The following MLLT10 variants were observed in gnomAD, a reference collection of about 807,000 sequenced individuals.
The protein encoded by MLLT10 is protein AF-10.
Under a neutral mutation model 129.1 loss-of-function variants are expected in MLLT10, and 30 were observed. That is an observed-to-expected ratio of 0.23 (90% CI 0.17 to 0.32). MLLT10 has a LOEUF of 0.32. Ranked by LOEUF, MLLT10 falls within the 10% of genes least tolerant of loss-of-function variation. MLLT10 has a pLI of 1.00. For missense variants in MLLT10, 1,119 were observed against 1,268.3 expected (o/e 0.88, Z 1.79); for synonymous variants, 490 against 446.4 (o/e 1.10, Z -1.23).
At chr10:21,737,095 G>A (rs2058431752) in intron 21 of MLLT10, among the ~76,000 whole-genome samples, 1 of 111,334 alleles carries the variant, frequency 9.0e-6, no homozygotes. Flanking sequence ...GGGCGTGCTG[G>A]TGCATGCCTG....
rs145231992 is a variant in MLLT10, at chr10:21,548,942, A to G, written c.240+10030A>G. On this transcript the variant is annotated intron_variant, in intron 3 of 22. Transcript: ENST00000307729. ...ACTCTGGTGATAGATGTCTTTATAT[A>G]TTGTGTAATTTTTGACTGCAGGCTA... Among the ~76,000 whole-genome samples the G allele has an allele frequency of 2.1e-3, 316 of 152,086 alleles. 1 individual carries two copies. Among genetic ancestry groups the G allele is most frequent in the African/African-American group, 7.3e-3 (301 of 41,502 alleles).
chr10:21,717,815 T>TTCTTCTCCTCCA (rs773767603), intron 14 of MLLT10, among the ~76,000 whole-genome samples: 1 of 143,074 alleles, frequency 7.0e-6, no homozygotes, highest in African/African-American at 2.6e-5. Flanking sequence ...CTTCTTCTCC[T>TTCTTCTCCTCCA]TCTTCTCCTC....
intron 13 of MLLT10, among the ~76,000 whole-genome samples, chr10:21,695,873 C>T (rs1454217615): frequency 6.6e-6 from 1 of 151,916 alleles, no homozygotes; most frequent in African/African-American, 2.4e-5. Flanking sequence ...TACCTCCTAT[C>T]CAGAGCATAG....
At chr10:21,722,494 T>A (rs1165504608) in intron 14 of MLLT10, among the ~76,000 whole-genome samples, 3 of 152,214 alleles carry the variant, frequency 2.0e-5, no homozygotes, top group South Asian at 2.1e-4. Flanking sequence ...CAGTTTTTTT[T>A]AATACAAAAG....
chr10:21,716,483 A>G (rs925022840), intron 14 of MLLT10, among the ~76,000 whole-genome samples: 48 of 152,170 alleles, frequency 3.2e-4, no homozygotes, highest in African/African-American at 1.2e-3. Flanking sequence ...ACCTGAGGTC[A>G]GGAGTTCAAG....
chr10:21,706,922 T>G (rs933118065), intron 13 of MLLT10, among the ~76,000 whole-genome samples: 1 of 152,148 alleles, frequency 6.6e-6, no homozygotes, highest in Non-Finnish European at 1.5e-5. Flanking sequence ...CAGGCTCTCT[T>G]TCTTTGCTTC....
intron 13 of MLLT10, among the ~76,000 whole-genome samples, chr10:21,708,349 T>G (rs2055733502): frequency 6.6e-6 from 1 of 152,198 alleles, no homozygotes; most frequent in African/African-American, 2.4e-5. Context: ...AATGTCACCT[T>G]GATTTTAGTT....
chr10:21,712,317 G>A (rs1394415893), intron 13 of MLLT10, among the ~76,000 whole-genome samples: 4 of 151,988 alleles, frequency 2.6e-5, no homozygotes, highest in East Asian at 1.9e-4. Flanking sequence ...AGGCTCAAGT[G>A]ATCCTCACAC....
At chr10:21,597,017 CT>C (rs891184490) in intron 5 of MLLT10, among the ~76,000 whole-genome samples, 1,507 of 144,958 alleles carry the variant, frequency 0.01, 9 homozygotes, top group African/African-American at 0.021. Flanking sequence ...TATTAATGCA[CT>C]TTTTTTTTTT....
chr10:21,672,816 T>A (rs1299841621), intron 10 of MLLT10, among the ~76,000 whole-genome samples: 1 of 152,228 alleles, frequency 6.6e-6, no homozygotes, highest in African/African-American at 2.4e-5. Flanking sequence ...TAGTATGTCT[T>A]AAAGTTAAAA....
intron 8 of MLLT10, chr10:21,626,049 C>A (rs1564532104): frequency 1.4e-6 from 2 of 1,423,852 alleles, no homozygotes; most frequent in East Asian, 2.3e-5. Flanking sequence ...TCATTTCTCT[C>A]AAGCAAGGCC....
intron 13 of MLLT10, among the ~76,000 whole-genome samples, chr10:21,700,035 C>T (rs1193540412): frequency 1.3e-5 from 2 of 150,524 alleles, no homozygotes; most frequent in African/African-American, 4.9e-5. Flanking sequence ...TGTTTGTGTC[C>T]TTTTCAATTT....
intron 5 of MLLT10, among the ~76,000 whole-genome samples, chr10:21,599,474 A>G (rs574727324): frequency 3.3e-5 from 5 of 152,244 alleles, no homozygotes; most frequent in African/African-American, 1.2e-4. Flanking sequence ...AACTTCTCCA[A>G]ATCTAGCCCA....
intron 3 of MLLT10, among the ~76,000 whole-genome samples, chr10:21,541,915 G>T (rs1266352682): frequency 6.6e-6 from 1 of 152,152 alleles, no homozygotes; most frequent in Non-Finnish European, 1.5e-5. Flanking sequence ...AGCAAATGGA[G>T]GATAAAATCA....
chr10:21,549,264 T>C (rs1471544611), intron 3 of MLLT10, among the ~76,000 whole-genome samples: 1 of 151,890 alleles, frequency 6.6e-6, no homozygotes, highest in Non-Finnish European at 1.5e-5. Context: ...GCTGGGATTA[T>C]AGGCATGTGC....
At chr10:21,573,753 G>T (rs1296113714) in intron 3 of MLLT10, among the ~76,000 whole-genome samples, 1 of 151,872 alleles carries the variant, frequency 6.6e-6, no homozygotes, top group Admixed American at 6.6e-5. Flanking sequence ...TGGAGACAGG[G>T]TTTCACCATG....
At position 21,534,363 on chromosome 10, in the gene MLLT10, C is replaced by A. The variant is rs554451902; in HGVS notation, c.-158C>A. 2.3e-6 allele frequency: 1 copy of A among 431,316 alleles called. No homozygotes were observed. Among genetic ancestry groups the A allele is most frequent in the Admixed American group, 4.1e-5 (1 of 24,298 alleles). The allele number at this position is 431,316 out of a possible 1,614,324, so 26.7% of individuals were successfully genotyped here. A position where few individuals can be genotyped will look rare whatever the true frequency, so the allele number is the denominator to read the frequency against. On this transcript the variant is annotated 5_prime_UTR_variant, in exon 1 of 23. Coordinates refer to ENST00000307729, the MANE Select transcript of MLLT10 (RefSeq NM_001195626.3). ...GCCCTCTTGATTATGTGTGCCCTCT[C>A]CGGGCGCCCGCGTTAGCGGCCGGGT...
chr10:21,676,349 C>A (rs1444442663), intron 11 of MLLT10, among the ~76,000 whole-genome samples: 1 of 151,164 alleles, frequency 6.6e-6, no homozygotes, highest in African/African-American at 2.4e-5. Flanking sequence ...ACCTGAGAGG[C>A]AGAGCTCGCA....
chr10:21,644,839 C>T (rs1394426082), intron 8 of MLLT10, among the ~76,000 whole-genome samples: 1 of 152,038 alleles, frequency 6.6e-6, no homozygotes, highest in East Asian at 1.9e-4. Context: ...TTGTGTTGCC[C>T]AGGCTGATGT....
Sources: gnomAD v4.1 joint callset for allele counts (sites outside exome capture counted in the v4.1 genomes callset) on GRCh38, gnomAD v4.1.1 for gene constraint, MANE v1.5 for transcripts, NCBI Gene and HGNC (gene_info 2026-07-23, HGNC 2026-07-21) for gene names.